ABI2: variants seen among roughly 807,000 people sequenced by gnomAD.
ABI2 encodes abelson interactor 2.
In ABI2, 25 loss-of-function variants were observed where a neutral mutation model predicts 59.2. That is an observed-to-expected ratio of 0.42 (90% CI 0.31 to 0.59). The LOEUF is 0.59. ABI2 is among the 20% of genes least tolerant of loss of function. The pLI is 0.14. For missense variants in ABI2, 545 were observed against 681.8 expected, an observed-to-expected ratio of 0.80 and a Z score of 2.23; for synonymous variants, 213 against 235.5, an observed-to-expected ratio of 0.90 and a Z score of 0.87.
chr2:203,391,746 A>G (rs758586244), intron 5 of ABI2, among the ~76,000 whole-genome samples: 75 of 150,782 alleles, frequency 5.0e-4, no homozygotes, highest in Non-Finnish European at 9.1e-4. Context: ...ACCTGAGCCC[A>G]GGAGGTTGAG....
At chr2:203,415,789 T>G (rs2097866914) in intron 10 of ABI2, among the ~76,000 whole-genome samples, 1 of 152,216 alleles carries the variant, frequency 6.6e-6, no homozygotes, top group African/African-American at 2.4e-5. Flanking sequence ...ACAGGTTTAT[T>G]CATTTCATTC....
intron 11 of ABI2, among the ~76,000 whole-genome samples, chr2:203,418,086 G>T (rs1488361341): frequency 6.6e-6 from 1 of 152,052 alleles, no homozygotes; most frequent in Admixed American, 6.5e-5. Context: ...GCACAGAGAA[G>T]AAAGTGGAAA....
In ABI2 at chr2:203,373,533, T is replaced by C. The variant is rs1195795703; in HGVS notation, c.285+6489T>C. On this transcript the variant is annotated intron_variant, in intron 2 of 11. Coordinates refer to ENST00000261018, the MANE Select transcript of ABI2 (RefSeq NM_001375670.1). The stretch of plus-strand genomic sequence containing the variant: ...CGGGAGAGGGAGAGGGAGACTAAAC[T>C]AAAATTTTTCTAAGCGAGGCCCATC... 3.9e-5 allele frequency among the ~76,000 whole-genome samples: 6 copies of C among 152,132 alleles called. No individual in the cohort carries two copies. The East Asian group carries it at 1.2e-3, about 29-fold the overall frequency.
Position 203,391,199 on chromosome 2 carries a change from A to G in ABI2, c.578+56A>G, listed in dbSNP as rs569237316. On this transcript the variant is annotated intron_variant, in intron 5 of 11. Coordinates refer to ENST00000261018, the MANE Select transcript of ABI2 (RefSeq NM_001375670.1). ...TTCATGTAGTATTGTTTAAAAATGA[A>G]GCACAACATATTTAAATTATTTTTT... The G allele has an allele frequency of 1.5e-4, 181 of 1,177,750 alleles. 3 individuals are homozygous for G. In the Admixed American group the frequency reaches 5.2e-3, roughly 34 times the overall value. 73.0% of individuals were successfully genotyped at this position (1,177,750 alleles called of 1,614,324 possible).
At chr2:203,375,925 CCCACAGGCAAT>C (rs1344818018) in intron 2 of ABI2, 2 of 566,920 alleles carry the variant, frequency 3.5e-6, no homozygotes, top group African/African-American at 1.9e-5. Context: ...TTTTCTTCTG[CCCACAGGCAAT>C]ACTGCAGTTC....
intron 6 of ABI2, 148 bp from the exon 7 acceptor site, chr2:203,395,508 C>T (rs2096949661): frequency 4.4e-6 from 3 of 678,240 alleles, no homozygotes; most frequent in South Asian, 2.8e-5. Context: ...CTGTCACTGA[C>T]TTGGAGCTCA....
intron 1 of ABI2, among the ~76,000 whole-genome samples, chr2:203,333,688 C>A (rs1254667465): frequency 1.3e-5 from 2 of 152,206 alleles, no homozygotes; most frequent in African/African-American, 4.8e-5. Flanking sequence ...ATCTTCAAGA[C>A]CTTTGACAAG....
intron 1 of ABI2, among the ~76,000 whole-genome samples, chr2:203,344,149 T>C (rs2081701421): frequency 6.6e-6 from 1 of 152,220 alleles, no homozygotes; most frequent in African/African-American, 2.4e-5. Context: ...TACTCCATAG[T>C]AAAGCTTAGC....
chr2:203,403,554 T>TC (rs1194734586), intron 9 of ABI2, among the ~76,000 whole-genome samples: 3 of 152,120 alleles, frequency 2.0e-5, no homozygotes, highest in African/African-American at 7.2e-5. Context: ...AATTTGATCC[T>TC]CCAACATAAA....
rs1268419702 is a variant in ABI2, at chr2:203,402,684, C to G, written c.1142C>G (p.Thr381Arg). 6.2e-7 allele frequency: 1 copy of G among 1,607,050 alleles called. No homozygotes were observed. Among genetic ancestry groups the G allele is most frequent in the Non-Finnish European group, 8.5e-7 (1 of 1,177,754 alleles). The change falls in exon 9 of 12, where the codon ACA (threonine) becomes AGA (arginine). Residue 381 changes from threonine (T) to arginine (R), a missense_variant. Transcript: ENST00000261018. ...YRRPPSITSQ[T>R]SLQNQMNGGP... is the part of the protein sequence containing the mutation. ...CGCCCTCCTTCCATTACTTCACAAA[C>G]AAGCCTTCAGAATCAGATGAATGGA...
At chr2:203,419,764 C>T (rs1020443239) in intron 11 of ABI2, among the ~76,000 whole-genome samples, 1 of 151,796 alleles carries the variant, frequency 6.6e-6, no homozygotes, top group African/African-American at 2.4e-5. Flanking sequence ...TGAGGCGGGC[C>T]GAACACCTGA....
chr2:203,360,503 A>G (rs866918050), intron 1 of ABI2, among the ~76,000 whole-genome samples: 1 of 152,214 alleles, frequency 6.6e-6, no homozygotes, highest in South Asian at 2.1e-4. Flanking sequence ...GGCACTGTAA[A>G]CATGAGGTAA....
rs541122545 is a variant in ABI2, at chr2:203,421,880, C to T, written c.1453+4799C>T. On this transcript the variant is annotated intron_variant, in intron 11 of 11. Transcript: ENST00000261018. ...TCAGGAGGCTGAGGCAGGAGAATCA[C>T]TTGAACCCAGGAGGTGGAGCTTGCA... Among the ~76,000 whole-genome samples the T allele has an allele frequency of 1.5e-3, 220 of 150,284 alleles. 2 individuals carry two copies. The highest frequency in any genetic ancestry group is 2.6e-3 in the Non-Finnish European group (178 of 67,876).
chr2:203,383,219 A>T (rs1351090723), intron 4 of ABI2: 1 of 154,812 alleles, frequency 6.5e-6, no homozygotes, highest in Non-Finnish European at 1.5e-5. Context: ...CTAAGGCCAC[A>T]CAACTTTCCC....
At chr2:203,408,453 G>T (rs1291089485) in intron 9 of ABI2, among the ~76,000 whole-genome samples, 2 of 148,942 alleles carry the variant, frequency 1.3e-5, no homozygotes, top group African/African-American at 5.0e-5. Context: ...ATGAGCCACC[G>T]TGCCTGGCTG....
At chr2:203,347,474 G>A (rs1295178252) in intron 1 of ABI2, among the ~76,000 whole-genome samples, 1 of 152,194 alleles carries the variant, frequency 6.6e-6, no homozygotes, top group Non-Finnish European at 1.5e-5. Flanking sequence ...ACCGTAGCAT[G>A]TAGTAAATGG....
At chr2:203,395,553 T>C (rs2096951133) in intron 6 of ABI2, 103 bp from the exon 7 acceptor site, 9 of 1,301,504 alleles carry the variant, frequency 6.9e-6, no homozygotes, top group Non-Finnish European at 9.3e-6. Context: ...CGCTTTTGAA[T>C]TACCTTTATT....
intron 11 of ABI2, among the ~76,000 whole-genome samples, chr2:203,422,269 G>A (rs946799981): frequency 3.3e-4 from 2 of 6,030 alleles, no homozygotes; most frequent in East Asian, 7.1e-4. Flanking sequence ...ACTGCCTGGG[G>A]ACAGTAAGAC....
chr2:203,424,068 T>G (rs1473330866), intron 11 of ABI2, among the ~76,000 whole-genome samples: 4 of 152,228 alleles, frequency 2.6e-5, no homozygotes, highest in African/African-American at 7.2e-5. Context: ...CCCCATATGA[T>G]TTTGATACTA....
Sources: gnomAD v4.1 joint callset for allele counts (sites outside exome capture counted in the v4.1 genomes callset) on GRCh38, gnomAD v4.1.1 for gene constraint, MANE v1.5 for transcripts, NCBI Gene and HGNC (gene_info 2026-07-23, HGNC 2026-07-21) for gene names.